Variants in AIDA observed in about 807,000 individuals in gnomAD.
AIDA encodes axin interactor, dorsalization-associated protein.
A neutral mutation model predicts 42.7 loss-of-function variants in AIDA; 18 were observed. The ratio of observed to expected loss-of-function variants is 0.42; its 90% CI spans 0.29 to 0.63. The LOEUF (loss-of-function observed/expected upper bound fraction) is 0.63. AIDA is among the 20% of genes least tolerant of loss of function. The pLI is 0.19. For synonymous variants in AIDA, 104 were observed against 122.9 expected (o/e 0.85, Z 1.02); for missense variants, 250 against 354.1 (o/e 0.71, Z 2.36).
rs1318219411 is a variant in AIDA at position 222,689,572 on chromosome 1, TATATATATAC to T, written c.290-1924_290-1915del. On this transcript the variant is annotated intron_variant, in intron 4 of 9. Coordinates refer to ENST00000340020, the MANE Select transcript of AIDA (RefSeq NM_022831.4). ...ATACATATATATGTATATATATGTA[TATATATATAC>T]ACACACACACACATATATATACACA... Among the ~76,000 whole-genome samples the T allele has an allele frequency of 3.8e-5, 5 of 131,052 alleles. No individual in the cohort carries two copies. In the East Asian group the frequency reaches 6.7e-4, roughly 18 times the overall value. The allele number at this position is 131,052 out of a possible 152,430, so 86.0% of individuals were successfully genotyped here. A position where few individuals can be genotyped will look rare whatever the true frequency, so the allele number is the denominator to read the frequency against.
At chr1:222,698,059 T>C (rs887834457) in intron 2 of AIDA, among the ~76,000 whole-genome samples, 3 of 152,216 alleles carry the variant, frequency 2.0e-5, no homozygotes, top group African/African-American at 7.2e-5. Flanking sequence ...TTCAGTGGAA[T>C]GAAAGCTTTT....
At chr1:222,680,147 T>C (rs1571927011) in intron 6 of AIDA, among the ~76,000 whole-genome samples, 1 of 152,198 alleles carries the variant, frequency 6.6e-6, no homozygotes, top group South Asian at 2.1e-4. Flanking sequence ...TTCACAGTGA[T>C]GGAAAGAGAC....
chr1:222,673,349 T>G lies in AIDA; in HGVS notation c.670A>C (p.Ile224Leu), dbSNP rs1254899263. 6.2e-7 allele frequency: 1 copy of G among 1,610,140 alleles called. No individual in the cohort carries two copies. The highest frequency in any genetic ancestry group is 8.5e-7 in the Non-Finnish European group (1 of 1,177,954). ...EDTYVHFNVD[I>L]ELQKHVEKLT... is the part of the protein sequence containing the mutation. ...TTTTCAACATGCTTCTGGAGCTCAATGTCCACATTAAAATGAACATATGTA... is the reference window on the plus strand; with the variant it reads ...TTTTCAACATGCTTCTGGAGCTCAAGGTCCACATTAAAATGAACATATGTA... Residue 224 changes from isoleucine to leucine, a missense_variant, in exon 8 of 10, where the codon ATT becomes CTT. Around this residue, in one of 4 missense-constraint regions of AIDA, gnomAD observed 199 missense variants for 232.6 expected, o/e 0.86. Coordinates refer to ENST00000340020, the MANE Select transcript of AIDA (RefSeq NM_022831.4).
intron 6 of AIDA, 111 bp downstream of exon 6, chr1:222,686,819 A>G: frequency 7.5e-7 from 1 of 1,332,940 alleles, no homozygotes; most frequent in Non-Finnish European, 1.0e-6. Context: ...TAAGATTGGC[A>G]TGAGCTTTAG....
intron 4 of AIDA, 115 bp downstream of exon 4, chr1:222,693,674 G>A (rs1222802777): frequency 1.2e-6 from 1 of 845,902 alleles, no homozygotes; most frequent in African/African-American, 1.7e-5. Context: ...AAATCACATA[G>A]GACTAGATAT....
At chr1:222,685,320 T>G (rs1664725131) in intron 6 of AIDA, among the ~76,000 whole-genome samples, 1 of 152,188 alleles carries the variant, frequency 6.6e-6, no homozygotes, top group Non-Finnish European at 1.5e-5. Flanking sequence ...TTATCCCATT[T>G]TATAAAGAAA....
At chr1:222,680,639 G>GA (rs1664636995) in intron 6 of AIDA, among the ~76,000 whole-genome samples, 1 of 152,132 alleles carries the variant, frequency 6.6e-6, no homozygotes, top group African/African-American at 2.4e-5. Flanking sequence ...CCTCATCTGT[G>GA]AAAAACACTT....
Position 222,703,055 on chromosome 1 carries a change from T to C in AIDA, c.180+93A>G. ...ACTTAAGTATAACAGTTTTTTGTTT[T>C]TGTTTTGTTGTTTTTTGTTTTGCTT... On this transcript the variant is annotated intron_variant, in intron 2 of 9. Transcript: ENST00000340020. 6 of 1,010,686 alleles carry C rather than the reference T, an allele frequency of 5.9e-6. No homozygotes were observed. In the South Asian group the frequency reaches 6.7e-5, roughly 11 times the overall value. 62.6% of individuals were successfully genotyped at this position (1,010,686 alleles called of 1,614,324 possible).
intron 6 of AIDA, among the ~76,000 whole-genome samples, chr1:222,685,764 G>A (rs572684706): frequency 2.0e-5 from 3 of 152,272 alleles, no homozygotes; most frequent in Middle Eastern, 3.4e-3. Context: ...AAAAGTTTCC[G>A]TATATTCTTT....
At chr1:222,708,126 T>C (rs1387918233) in intron 1 of AIDA, among the ~76,000 whole-genome samples, 4 of 151,820 alleles carry the variant, frequency 2.6e-5, no homozygotes. Context: ...CTGGCCAACA[T>C]GGTGAAACCC....
At chr1:222,676,940 A>C (rs551553919) in intron 6 of AIDA, among the ~76,000 whole-genome samples, 35 of 144,488 alleles carry the variant, frequency 2.4e-4, no homozygotes, top group Admixed American at 4.8e-4. Flanking sequence ...AAAAACAAAC[A>C]AAAAAAAACC....
chr1:222,707,916 A>G (rs796112858), intron 1 of AIDA, among the ~76,000 whole-genome samples: 11 of 152,332 alleles, frequency 7.2e-5, no homozygotes, highest in African/African-American at 2.6e-4. Context: ...ACATGCTCTC[A>G]ATTTCTTTCC....
intron 6 of AIDA, among the ~76,000 whole-genome samples, chr1:222,681,646 G>A (rs1011755247): frequency 1.3e-5 from 2 of 152,198 alleles, no homozygotes; most frequent in Non-Finnish European, 2.9e-5. Context: ...CTGGGCGACA[G>A]AGCGAGACTG....
At chr1:222,677,227 A>G (rs1052081525) in intron 6 of AIDA, among the ~76,000 whole-genome samples, 3 of 152,114 alleles carry the variant, frequency 2.0e-5, no homozygotes, top group Admixed American at 2.0e-4. Flanking sequence ...CGATTTTTTA[A>G]TAATACCTCT....
intron 1 of AIDA, among the ~76,000 whole-genome samples, chr1:222,706,525 A>G (rs1286089953): frequency 6.6e-6 from 1 of 152,176 alleles, no homozygotes; most frequent in African/African-American, 2.4e-5. Flanking sequence ...ATGCTACAAC[A>G]TAGATGAAAC....
At chr1:222,702,558 G>T (rs1391528244) in intron 2 of AIDA, among the ~76,000 whole-genome samples, 1 of 152,116 alleles carries the variant, frequency 6.6e-6, no homozygotes, top group Non-Finnish European at 1.5e-5. Context: ...AATTCAAGGA[G>T]AAAAGGCACG....
chr1:222,686,455 T>C (rs566612497), intron 6 of AIDA, among the ~76,000 whole-genome samples: 57 of 152,280 alleles, frequency 3.7e-4, no homozygotes, highest in Non-Finnish European at 8.8e-5. Context: ...AATAAAAGCT[T>C]TGGGCACTGA....
chr1:222,699,226 A>C lies in AIDA; in HGVS notation c.180+3922T>G, dbSNP rs76822447. Among the ~76,000 whole-genome samples the C allele has an allele frequency of 8.9e-4, 136 of 152,362 alleles. 2 individuals are homozygous for C. In the East Asian group the frequency reaches 0.015, roughly 17 times the overall value. ...ATTTGCCATTGCTACAAAAACACTA[A>C]AAATAGTAAAAGCATAAAAATTCCA... On this transcript the variant is annotated intron_variant, in intron 2 of 9. Transcript: ENST00000340020.
At chr1:222,689,059 G>A (rs1449009822) in intron 4 of AIDA, among the ~76,000 whole-genome samples, 1 of 151,912 alleles carries the variant, frequency 6.6e-6, no homozygotes, top group Non-Finnish European at 1.5e-5. Flanking sequence ...GTGTGTGTGT[G>A]TGTTTCTTAG....
Sources: allele counts gnomAD v4.1 joint callset (sites outside exome capture counted in the v4.1 genomes callset), GRCh38; gene constraint gnomAD v4.1.1; regional missense constraint gnomAD v4.1.1; transcripts MANE v1.5; gene names NCBI Gene and HGNC (gene_info 2026-07-23, HGNC 2026-07-21).